Variants in NRCAM observed in about 807,000 individuals in gnomAD.
NRCAM encodes the protein neuronal cell adhesion molecule, also known as NgCAM-related cell adhesion molecule.
A neutral mutation model predicts 156.5 loss-of-function variants in NRCAM; 83 were observed. That is an observed-to-expected ratio of 0.53 (90% confidence interval 0.44 to 0.64). The LOEUF is 0.64. Among genes scored for constraint, NRCAM ranks in the 30% least tolerant of loss-of-function variants. The pLI is 0.00. For missense variants in NRCAM, 1,417 were observed against 1,597.3 expected (o/e 0.89, Z 1.92); for synonymous variants, 538 against 563.9 (o/e 0.95, Z 0.65).
intron 2 of NRCAM, among the ~76,000 whole-genome samples, chr7:108,331,203 A>G (rs1324655006): frequency 6.6e-6 from 1 of 152,256 alleles, no homozygotes; most frequent in East Asian, 1.9e-4. Context: ...GTCCAAGACC[A>G]GCCTGGGCAA....
chr7:108,186,893 C>G (rs574642307), intron 20 of NRCAM, among the ~76,000 whole-genome samples: 1 of 152,190 alleles, frequency 6.6e-6, no homozygotes, highest in African/African-American at 2.4e-5. Flanking sequence ...ACAGCAAACG[C>G]TTTGCAGAGA....
chr7:108,393,824 T>G (rs901584032), intron 2 of NRCAM, among the ~76,000 whole-genome samples: 1 of 152,200 alleles, frequency 6.6e-6, no homozygotes, highest in African/African-American at 2.4e-5. Context: ...ACTATGAAGA[T>G]AGGTAATCCC....
chr7:108,162,368 C>T (rs1035548600), intron 30 of NRCAM, among the ~76,000 whole-genome samples: 1 of 152,182 alleles, frequency 6.6e-6, no homozygotes, highest in East Asian at 1.9e-4. Context: ...TCAATTAATG[C>T]CTGGTCTGTG....
intron 1 of NRCAM, among the ~76,000 whole-genome samples, chr7:108,410,720 C>T (rs965235620): frequency 6.6e-6 from 1 of 152,158 alleles, no homozygotes; most frequent in African/African-American, 2.4e-5. Context: ...TTTGTCACAG[C>T]AAGTGTGGAA....
At chr7:108,196,644 C>T (rs1425275686) in intron 14 of NRCAM, among the ~76,000 whole-genome samples, 1 of 152,104 alleles carries the variant, frequency 6.6e-6, no homozygotes, top group East Asian at 1.9e-4. Context: ...TATTATATCA[C>T]ACTTATTAGA....
At chr7:108,267,156 C>T (rs556106520) in intron 3 of NRCAM, among the ~76,000 whole-genome samples, 89 of 152,276 alleles carry the variant, frequency 5.8e-4, no homozygotes, top group Non-Finnish European at 1.1e-3. Context: ...TTATAATAAG[C>T]GGTAAGCATC....
intron 1 of NRCAM, among the ~76,000 whole-genome samples, chr7:108,433,450 GATT>G (rs1828243099): frequency 1.3e-5 from 2 of 152,170 alleles, no homozygotes; most frequent in Non-Finnish European, 1.5e-5. Flanking sequence ...TCACCTGAGA[GATT>G]ATTAGACATG....
intron 3 of NRCAM, among the ~76,000 whole-genome samples, chr7:108,247,725 A>G (rs1452699701): frequency 2.0e-5 from 3 of 151,748 alleles, no homozygotes; most frequent in Non-Finnish European, 4.4e-5. Context: ...AGAGAGTCCA[A>G]TATTGTTAGT....
At chr7:108,436,055 G>A (rs1357665383) in intron 1 of NRCAM, among the ~76,000 whole-genome samples, 2 of 152,162 alleles carry the variant, frequency 1.3e-5, no homozygotes, top group East Asian at 1.9e-4. Flanking sequence ...AATGGCGTGA[G>A]CCCGGGAGGC....
rs1394881094 is a variant in NRCAM, at chr7:108,147,827, A to G, written c.*2083T>C. ...AATACCAAATCTGTTGCACTATTAC[A>G]GAAGTGACCCTTTCATGCACAGATA... On this transcript the variant is annotated 3_prime_UTR_variant, in exon 33 of 33. Transcript: ENST00000379028. 1 of 152,696 alleles carries G rather than the reference A, an allele frequency of 6.5e-6. No individual in the cohort carries two copies. The highest frequency in any genetic ancestry group is 2.4e-5 in the African/African-American group (1 of 41,468). 9.5% of individuals were successfully genotyped at this position (152,696 alleles called of 1,614,324 possible).
chr7:108,199,176 G>A (rs1467857085), intron 13 of NRCAM, among the ~76,000 whole-genome samples: 1 of 152,116 alleles, frequency 6.6e-6, no homozygotes, highest in Non-Finnish European at 1.5e-5. Flanking sequence ...TTTCCTTGGT[G>A]AAAGGAAAAG....
chr7:108,208,111 T>C (rs910323226), intron 12 of NRCAM, among the ~76,000 whole-genome samples: 6 of 146,040 alleles, frequency 4.1e-5, no homozygotes, highest in African/African-American at 1.5e-4. Context: ...CTGGCCGACA[T>C]GGTAAAACCC....
At chr7:108,431,055 A>G (rs1273409552) in intron 1 of NRCAM, among the ~76,000 whole-genome samples, 1 of 152,200 alleles carries the variant, frequency 6.6e-6, no homozygotes, top group Non-Finnish European at 1.5e-5. Context: ...ATAAATAAAC[A>G]ATACTAATAT....
rs189430079 is a variant in NRCAM, at chr7:108,446,197, G to A, written c.-332+10046C>T. 3.6e-3 allele frequency among the ~76,000 whole-genome samples: 549 copies of A among 152,278 alleles called. 1 individual carries two copies. Among genetic ancestry groups the A allele is most frequent in the Admixed American group, 8.3e-3 (127 of 15,304 alleles). ...TCACAAGGATGTCATTTAGACCTCCGCAGCAGAAATTTTTTAAATAGTACC... is the reference window on the plus strand; with the variant it reads ...TCACAAGGATGTCATTTAGACCTCCACAGCAGAAATTTTTTAAATAGTACC... On this transcript the variant is annotated intron_variant, in intron 1 of 32. Transcript: ENST00000379028.
At chr7:108,262,545 C>G (rs1382838643) in intron 3 of NRCAM, among the ~76,000 whole-genome samples, 1 of 152,136 alleles carries the variant, frequency 6.6e-6, no homozygotes, top group Non-Finnish European at 1.5e-5. Flanking sequence ...ATTCAAAGTC[C>G]ATAATCTTTC....
intron 3 of NRCAM, among the ~76,000 whole-genome samples, chr7:108,303,814 T>C (rs1323345097): frequency 3.3e-5 from 5 of 152,194 alleles, no homozygotes; most frequent in Non-Finnish European, 7.3e-5. Context: ...GATGCCACCA[T>C]GCAGAGTTGC....
At chr7:108,210,811 G>T (rs1201214299) in intron 11 of NRCAM, among the ~76,000 whole-genome samples, 1 of 152,200 alleles carries the variant, frequency 6.6e-6, no homozygotes, top group Non-Finnish European at 1.5e-5. Flanking sequence ...TGAGCTGTGT[G>T]TTGGGAAGAT....
In NRCAM at chr7:108,370,293, G is replaced by A. The variant is rs575509911; in HGVS notation, c.-174+29143C>T. On this transcript the variant is annotated intron_variant, in intron 2 of 32. Transcript: ENST00000379028. ...AGCTGTTCTAGACAAGTTAGGCTTC[G>A]GGTGCATTCTTGTATATTTGGAGGG... Among the ~76,000 whole-genome samples the A allele has an allele frequency of 1.1e-3, 171 of 152,180 alleles. 2 individuals are homozygous for A. Among genetic ancestry groups the A allele is most frequent in the Admixed American group, 0.01 (158 of 15,278 alleles).
intron 3 of NRCAM, among the ~76,000 whole-genome samples, chr7:108,299,434 C>T (rs2098544998): frequency 2.6e-5 from 4 of 152,152 alleles, no homozygotes; most frequent in Admixed American, 2.6e-4. Flanking sequence ...ACCACAATGA[C>T]ACTACAGTCC....
Sources: allele counts gnomAD v4.1 joint callset (sites outside exome capture counted in the v4.1 genomes callset), GRCh38; gene constraint gnomAD v4.1.1; transcripts MANE v1.5; gene names NCBI Gene and HGNC (gene_info 2026-07-23, HGNC 2026-07-21).